The following AFF2 variants were observed in gnomAD, a reference collection of about 807,000 sequenced individuals.
AFF2 encodes AF4/FMR2 family member 2.
Under a neutral mutation model 76.9 loss-of-function variants are expected in AFF2, and 14 were observed. That is an observed-to-expected ratio of 0.18 (90% CI 0.12 to 0.28). AFF2 has a LOEUF of 0.28. Among genes scored for constraint, AFF2 ranks in the 10% least tolerant of loss-of-function variants. The probability of loss-of-function intolerance (pLI) is 1.00; values close to 1 mark genes in which losing one functional copy is unlikely to be tolerated. For missense variants in AFF2, 868 were observed against 1,001.1 expected, an observed-to-expected ratio of 0.87 and a Z score of 1.79; for synonymous variants, 398 against 366.7, an observed-to-expected ratio of 1.09 and a Z score of -0.98.
At chrX:148,783,491 T>C (rs149272293) in intron 3 of AFF2, among the ~76,000 whole-genome samples, 1,121 of 112,057 alleles carry the variant, frequency 0.01, 35 homozygotes, top group Admixed American at 0.092. Context: ...TTTTAGTTAG[T>C]TTTTACAGGT....
chrX:148,930,421 A>G (rs1410990891), intron 9 of AFF2, among the ~76,000 whole-genome samples: 1 of 111,980 alleles, frequency 8.9e-6, no homozygotes, highest in Non-Finnish European at 1.9e-5. Context: ...CTGGAATGGA[A>G]TTACTCAGGG....
At chrX:148,741,852 C>T (rs984592769) in intron 3 of AFF2, among the ~76,000 whole-genome samples, 3 of 111,331 alleles carry the variant, frequency 2.7e-5, no homozygotes, top group Non-Finnish European at 3.8e-5. Flanking sequence ...TCACTTGGCT[C>T]GGCTCTCTAA....
chrX:148,551,113 A>G (rs782051139), intron 1 of AFF2, among the ~76,000 whole-genome samples: 16 of 110,817 alleles, frequency 1.4e-4, no homozygotes, highest in Non-Finnish European at 2.8e-4. Flanking sequence ...TTTCTTTAGT[A>G]AGAAACTTTC....
Position 148,719,206 on chromosome X carries a change from C to T in AFF2, c.1041+56438C>T, listed in dbSNP as rs1445509767. On this transcript the variant is annotated intron_variant, in intron 3 of 20. Transcript: ENST00000370460. ...ATGAAGTTCAAAAGGAGGCACCAAGCATTTCCGTCCTTCTTCAAGATGAAG... is the reference window on the plus strand; with the variant it reads ...ATGAAGTTCAAAAGGAGGCACCAAGTATTTCCGTCCTTCTTCAAGATGAAG... The T allele has an allele frequency of 1.0e-5, 12 of 1,146,694 alleles. No individual in the cohort carries two copies. The East Asian group carries it at 3.6e-4, about 34-fold the overall frequency. The allele number at this position is 1,146,694 out of a possible 1,213,427, so 94.5% of individuals were successfully genotyped here.
At chrX:148,807,660 G>A (rs2070153689) in intron 3 of AFF2, among the ~76,000 whole-genome samples, 2 of 112,354 alleles carry the variant, frequency 1.8e-5, no homozygotes, top group African/African-American at 3.2e-5. Context: ...ACCTTTTCAT[G>A]AGACTGGGCC....
chrX:148,918,100 G>A (rs1268164272), intron 9 of AFF2, among the ~76,000 whole-genome samples: 1 of 112,034 alleles, frequency 8.9e-6, no homozygotes, highest in Non-Finnish European at 1.9e-5. Context: ...GGACAAACTG[G>A]TTTCTGGTGC....
chrX:148,603,663 A>G (rs1308772570), intron 1 of AFF2, among the ~76,000 whole-genome samples: 2 of 110,237 alleles, frequency 1.8e-5, no homozygotes, highest in Non-Finnish European at 3.8e-5. Flanking sequence ...CAGTGGGTTG[A>G]TTCAGATCTT....
intron 1 of AFF2, among the ~76,000 whole-genome samples, chrX:148,512,756 A>G (rs1227196647): frequency 4.4e-5 from 5 of 112,588 alleles, no homozygotes; most frequent in Non-Finnish European, 9.4e-5. Flanking sequence ...TTAGTCACCC[A>G]GGATAAATGA....
intron 3 of AFF2, among the ~76,000 whole-genome samples, chrX:148,753,905 A>G (rs1211081590): frequency 2.7e-5 from 3 of 111,662 alleles, no homozygotes; most frequent in Non-Finnish European, 5.6e-5. Flanking sequence ...CCTTCTGAAT[A>G]CATAATTGGC....
intron 7 of AFF2, among the ~76,000 whole-genome samples, chrX:148,849,989 A>C (rs1184529791): frequency 9.0e-6 from 1 of 111,132 alleles, no homozygotes; most frequent in Non-Finnish European, 1.9e-5. Flanking sequence ...TAAATATTAT[A>C]ACTGAGTTAG....
intron 1 of AFF2, among the ~76,000 whole-genome samples, chrX:148,560,887 C>T (rs1193777073): frequency 9.0e-6 from 1 of 111,420 alleles, no homozygotes; most frequent in Non-Finnish European, 1.9e-5. Flanking sequence ...TGCTTTCTCT[C>T]TGGGGTTTTA....
rs1204135997 is a variant in AFF2, at chrX:148,997,020, C to T, written c.*5688C>T. 1 of 111,760 alleles carries T rather than the reference C, an allele frequency of 8.9e-6. No individual in the cohort carries two copies. Among genetic ancestry groups the T allele is most frequent in the East Asian group, 2.8e-4 (1 of 3,574 alleles). The allele number at this position is 111,760 out of a possible 1,213,427, so 9.2% of individuals were successfully genotyped here. A position where few individuals can be genotyped will look rare whatever the true frequency, so the allele number is the denominator to read the frequency against. On this transcript the variant is annotated 3_prime_UTR_variant, in exon 21 of 21. Coordinates refer to ENST00000370460, the MANE Select transcript of AFF2 (RefSeq NM_002025.4). ...TATGTGACGTGGAAACTCAGTAATT[C>T]TCCCACCTTCACATTGTTGTTCATA... is the stretch of plus-strand genomic sequence containing the variant.
chrX:148,903,400 G>C (rs192308756), intron 8 of AFF2, among the ~76,000 whole-genome samples: 4 of 112,292 alleles, frequency 3.6e-5, no homozygotes, highest in African/African-American at 9.7e-5. Flanking sequence ...AAGAATCGAA[G>C]GAGATGAAAT....
intron 7 of AFF2, among the ~76,000 whole-genome samples, chrX:148,874,170 G>A (rs2071009701): frequency 9.0e-6 from 1 of 111,399 alleles, no homozygotes; most frequent in Admixed American, 9.5e-5. Flanking sequence ...TCCACTATAT[G>A]TAAAACCTAC....
chrX:148,761,701 C>G (rs1262193543), intron 3 of AFF2, among the ~76,000 whole-genome samples: 1 of 110,741 alleles, frequency 9.0e-6, no homozygotes, highest in Non-Finnish European at 1.9e-5. Flanking sequence ...TCTGTATCCT[C>G]ATGGAATGTA....
chrX:148,895,946 C>T (rs186400750), intron 8 of AFF2, among the ~76,000 whole-genome samples: 29 of 111,067 alleles, frequency 2.6e-4, no homozygotes, highest in Middle Eastern at 4.6e-3. Flanking sequence ...TTAAAGACAG[C>T]GATTAGGTTC....
chrX:148,719,331 T>C, intron 3 of AFF2: 1 of 598,140 alleles, frequency 1.7e-6, no homozygotes, highest in Middle Eastern at 3.4e-4. Context: ...CACAGTGAGG[T>C]ATTTCCTTTG....
chrX:148,506,073 A>G (rs1357206705), intron 1 of AFF2, among the ~76,000 whole-genome samples: 1 of 110,172 alleles, frequency 9.1e-6, no homozygotes, highest in Non-Finnish European at 1.9e-5. Flanking sequence ...TTCTGTAAAG[A>G]CTCAATTTCG....
At chrX:148,919,302 A>C (rs1035932956) in intron 9 of AFF2, among the ~76,000 whole-genome samples, 2 of 111,063 alleles carry the variant, frequency 1.8e-5, no homozygotes, top group Non-Finnish European at 3.8e-5. Flanking sequence ...TGGGCATAAG[A>C]GATGATTAGA....
Sources: allele counts gnomAD v4.1 joint callset (sites outside exome capture counted in the v4.1 genomes callset), GRCh38; gene constraint gnomAD v4.1.1; transcripts MANE v1.5; gene names NCBI Gene and HGNC (gene_info 2026-07-23, HGNC 2026-07-21).